BCAP29: variants seen among roughly 807,000 people sequenced by gnomAD.
BCAP29 encodes the protein B-cell receptor-associated protein 29.
Under a neutral mutation model 31.8 loss-of-function variants are expected in BCAP29, and 34 were observed. The observed-to-expected ratio is 1.07, with a 90% CI of 0.81 to 1.42. The LOEUF (loss-of-function observed/expected upper bound fraction) is 1.42. BCAP29 is among the 40% of genes most tolerant of loss of function. The pLI is 0.00. For missense variants in BCAP29, 314 were observed against 269.2 expected, an observed-to-expected ratio of 1.17 and a Z score of -1.16; for synonymous variants, 104 against 91.3, an observed-to-expected ratio of 1.14 and a Z score of -0.79.
chr7:107,590,561 T>A (rs963580164), intron 3 of BCAP29, among the ~76,000 whole-genome samples: 2 of 152,148 alleles, frequency 1.3e-5, no homozygotes, highest in Non-Finnish European at 1.5e-5. Context: ...CTCACTCCTG[T>A]AATCCCACCA....
chr7:107,583,176 CT>C (rs1334124976), intron 2 of BCAP29, among the ~76,000 whole-genome samples: 5 of 152,060 alleles, frequency 3.3e-5, no homozygotes, highest in Non-Finnish European at 1.5e-5. Flanking sequence ...TATTTTGCCA[CT>C]TTGCCATTTA....
chr7:107,595,871 T>C lies in BCAP29; in HGVS notation c.349T>C (p.Leu117=). The C allele has an allele frequency of 1.3e-6, 2 of 1,595,764 alleles. No individual in the cohort carries two copies. Among genetic ancestry groups the C allele is most frequent in the Non-Finnish European group, 1.7e-6 (2 of 1,175,278 alleles). The change falls in exon 5 of 8, where the codon TTG becomes CTG. Residue 117 remains leucine (L), a synonymous_variant. Transcript: ENST00000005259. The stretch of plus-strand genomic sequence containing the variant: ...TATTCTGGTTTTTTTTCTTAGAGTT[T>C]TGAGACGTCTGGTTACGCTTATTAC... ...SGFSLFFWLV[L]RRLVTLITQL... is the part of the protein sequence containing the mutation.
At chr7:107,610,217 G>A (rs979760300) in intron 6 of BCAP29, among the ~76,000 whole-genome samples, 9 of 152,082 alleles carry the variant, frequency 5.9e-5, no homozygotes, top group African/African-American at 1.9e-4. Flanking sequence ...CATAACCTAG[G>A]ACATAACAGT....
chr7:107,616,213 TC>T, intron 7 of BCAP29: 1 of 152,504 alleles, frequency 6.6e-6, no homozygotes, highest in Admixed American at 6.5e-5. Flanking sequence ...TTCTACTCTT[TC>T]TGCTATAGAG....
chr7:107,583,593 T>C (rs530863155), intron 2 of BCAP29, among the ~76,000 whole-genome samples: 3 of 152,266 alleles, frequency 2.0e-5, no homozygotes, highest in South Asian at 2.1e-4. Flanking sequence ...TATAATATTT[T>C]ACTACTGCAA....
At chr7:107,597,160 G>C (rs1171599160) in intron 5 of BCAP29, among the ~76,000 whole-genome samples, 2 of 152,212 alleles carry the variant, frequency 1.3e-5, no homozygotes, top group Admixed American at 6.5e-5. Flanking sequence ...GATGACGTCT[G>C]TTTCAAGGTA....
intron 6 of BCAP29, among the ~76,000 whole-genome samples, chr7:107,607,445 T>C (rs1475292499): frequency 1.3e-5 from 2 of 152,102 alleles, no homozygotes. Context: ...TTAGACCTCT[T>C]TATCTCACCC....
At chr7:107,616,977 G>A (rs1399413526) in intron 7 of BCAP29, among the ~76,000 whole-genome samples, 4 of 152,100 alleles carry the variant, frequency 2.6e-5, no homozygotes, top group East Asian at 1.9e-4. Context: ...GACCTCAAGC[G>A]ATCCGCCCAC....
At chr7:107,595,248 C>A (rs1046524508) in intron 4 of BCAP29, among the ~76,000 whole-genome samples, 1 of 152,138 alleles carries the variant, frequency 6.6e-6, no homozygotes, top group Non-Finnish European at 1.5e-5. Flanking sequence ...TTTCTAGTGT[C>A]ATTCATGGTT....
chr7:107,593,526 G>C (rs1379239941), intron 3 of BCAP29, among the ~76,000 whole-genome samples: 1 of 152,148 alleles, frequency 6.6e-6, no homozygotes, highest in Non-Finnish European at 1.5e-5. Context: ...ATCATTTAAA[G>C]TAATAATATG....
intron 2 of BCAP29, among the ~76,000 whole-genome samples, chr7:107,583,318 T>A (rs934896114): frequency 6.6e-6 from 1 of 150,604 alleles, no homozygotes; most frequent in Non-Finnish European, 1.5e-5. Context: ...ATATATATAG[T>A]GTGTGTGTGA....
intron 6 of BCAP29, among the ~76,000 whole-genome samples, chr7:107,601,651 A>G (rs369044320): frequency 4.5e-4 from 69 of 152,346 alleles, no homozygotes; most frequent in African/African-American, 1.6e-3. Context: ...GTTATTGTTT[A>G]TATGAAAATG....
intron 6 of BCAP29, among the ~76,000 whole-genome samples, chr7:107,608,336 A>G (rs1812524792): frequency 6.6e-6 from 1 of 152,120 alleles, no homozygotes; most frequent in African/African-American, 2.4e-5. Flanking sequence ...ATAGGTATTT[A>G]TTTTATAATT....
intron 3 of BCAP29, among the ~76,000 whole-genome samples, chr7:107,586,799 C>T (rs759147420): frequency 1.9e-4 from 29 of 149,542 alleles, no homozygotes; most frequent in Non-Finnish European, 3.7e-4. Flanking sequence ...GCGATCTCAG[C>T]TCACTGCAAC....
downstream of BCAP29, chr7:107,621,768 A>G: frequency 6.3e-6 from 3 of 474,462 alleles, no homozygotes; most frequent in Non-Finnish European, 1.3e-5. Context: ...ATTCTTCCCC[A>G]GAGCCTCTTC....
chr7:107,621,503 A>G (rs1250726781), downstream of BCAP29: 7 of 353,776 alleles, frequency 2.0e-5, no homozygotes, highest in African/African-American at 1.3e-4. Flanking sequence ...CCCTATACCA[A>G]TCCCTGGAAC....
intron 6 of BCAP29, among the ~76,000 whole-genome samples, chr7:107,600,795 T>A (rs1445847556): frequency 6.6e-6 from 1 of 152,254 alleles, no homozygotes; most frequent in African/African-American, 2.4e-5. Context: ...TATAAATGTG[T>A]TTTTATAAAA....
Position 107,619,434 on chromosome 7 carries a change from A to T in BCAP29, c.*1071A>T. 1 of 151,748 alleles carries T rather than the reference A, an allele frequency of 6.6e-6. No individual in the cohort carries two copies. Among genetic ancestry groups the T allele is most frequent in the East Asian group, 1.9e-4 (1 of 5,194 alleles). 9.4% of individuals were successfully genotyped at this position (151,748 alleles called of 1,614,324 possible). A position where few individuals can be genotyped will look rare whatever the true frequency, so the allele number is the denominator to read the frequency against. On this transcript the variant is annotated 3_prime_UTR_variant, in exon 8 of 8. Transcript: ENST00000005259. ...CTTGTCTCATGAAAACCTAAATATAAAAAAAAGGAAAATACTGGAGTTTTT... is the reference window on the plus strand; with the variant it reads ...CTTGTCTCATGAAAACCTAAATATATAAAAAAGGAAAATACTGGAGTTTTT...
At chr7:107,608,458 ATTTGTTTG>A (rs753945661) in intron 6 of BCAP29, among the ~76,000 whole-genome samples, 9 of 149,574 alleles carry the variant, frequency 6.0e-5, no homozygotes, top group Admixed American at 2.7e-4. Flanking sequence ...CATTTTGGAT[ATTTGTTTG>A]TTTGTTTGTT....
Sources: allele counts gnomAD v4.1 joint callset (sites outside exome capture counted in the v4.1 genomes callset), GRCh38; gene constraint gnomAD v4.1.1; transcripts MANE v1.5; gene names NCBI Gene and HGNC (gene_info 2026-07-23, HGNC 2026-07-21).